COL28A1: variants seen among roughly 807,000 people sequenced by gnomAD.
The protein encoded by COL28A1 is collagen alpha-1(XXVIII) chain.
Under a neutral mutation model 150.2 loss-of-function variants are expected in COL28A1, and 161 were observed. The observed-to-expected ratio is 1.07, with a 90% confidence interval of 0.94 to 1.22. The LOEUF is 1.22. Ranked by LOEUF, COL28A1 falls within the 50% of genes most tolerant of loss-of-function variation. The pLI is 0.00. For missense variants in COL28A1, 1,617 were observed against 1,388.3 expected, an observed-to-expected ratio of 1.16 and a Z score of -2.62; for synonymous variants, 552 against 469.7, an observed-to-expected ratio of 1.18 and a Z score of -2.26.
At chr7:7,418,118 A>G (rs768925763) in intron 26 of COL28A1, among the ~76,000 whole-genome samples, 191 bp from the exon 27 acceptor site, 1 of 152,264 alleles carries the variant, frequency 6.6e-6, no homozygotes, top group Non-Finnish European at 1.5e-5. Flanking sequence ...CTATGCAAAC[A>G]AAACCTTAAA....
At chr7:7,369,796 T>C (rs1446912163) in intron 33 of COL28A1, among the ~76,000 whole-genome samples, 1 of 152,186 alleles carries the variant, frequency 6.6e-6, no homozygotes, top group Non-Finnish European at 1.5e-5. Context: ...TGAATCCTGA[T>C]GTTAGAACAC....
At chr7:7,432,781 A>C in intron 23 of COL28A1, 81 bp from the exon 24 acceptor site, 2 of 1,020,538 alleles carry the variant, frequency 2.0e-6, no homozygotes, top group African/African-American at 1.6e-5. Flanking sequence ...CACCAACTCA[A>C]TATGCCAACG....
chr7:7,388,757 T>C (rs1782356379), intron 27 of COL28A1, among the ~76,000 whole-genome samples: 1 of 152,202 alleles, frequency 6.6e-6, no homozygotes, highest in African/African-American at 2.4e-5. Context: ...CTAATGACAG[T>C]GATGATGAGC....
At chr7:7,515,276 G>T (rs367935779) in intron 8 of COL28A1, among the ~76,000 whole-genome samples, 1 of 152,078 alleles carries the variant, frequency 6.6e-6, no homozygotes, top group Non-Finnish European at 1.5e-5. Flanking sequence ...CTTGTAACTC[G>T]CAAATAATCA....
chr7:7,368,955 G>A (rs1781080624), intron 33 of COL28A1, among the ~76,000 whole-genome samples: 1 of 152,140 alleles, frequency 6.6e-6, no homozygotes, highest in African/African-American at 2.4e-5. Flanking sequence ...GAAAAAATGT[G>A]AGCTTCTCTC....
chr7:7,451,277 G>A (rs1046975989), intron 18 of COL28A1, among the ~76,000 whole-genome samples: 8 of 151,596 alleles, frequency 5.3e-5, no homozygotes, highest in African/African-American at 1.9e-4. Context: ...CCAGGCTGGA[G>A]TGCAGTGGCG....
In COL28A1 at chr7:7,474,649, T is replaced by C; in HGVS notation, c.1254A>G (p.Gly418=). The C allele has an allele frequency of 7.0e-7, 1 of 1,431,584 alleles. No homozygotes were observed. The highest frequency in any genetic ancestry group is 1.4e-5 in the African/African-American group (1 of 71,258). 88.7% of individuals were successfully genotyped at this position (1,431,584 alleles called of 1,614,324 possible). A position where few individuals can be genotyped will look rare whatever the true frequency, so the allele number is the denominator to read the frequency against. The part of the protein sequence containing the change: ...PGPKGEKGSE[G]PTGPQGLQGL... Reference sequence around the variant, plus strand: ...CTTGTAATCCCTGTGGGCCAGTTGGTCCTTCAGAACCTTTTTCACCCTGAA... The same window carrying C: ...CTTGTAATCCCTGTGGGCCAGTTGGCCCTTCAGAACCTTTTTCACCCTGAA... The change falls in exon 15 of 35, where the codon GGA becomes GGG. Residue 418 remains glycine, a synonymous_variant. Transcript: ENST00000399429.
downstream of COL28A1, among the ~76,000 whole-genome samples, chr7:7,354,675 C>T (rs559672005): frequency 6.6e-6 from 1 of 152,244 alleles, no homozygotes; most frequent in Non-Finnish European, 1.5e-5. Flanking sequence ...AACTCTAAAA[C>T]TAAGAATGCT....
chr7:7,482,823 A>G (rs1156973324), intron 13 of COL28A1, among the ~76,000 whole-genome samples: 1 of 152,214 alleles, frequency 6.6e-6, no homozygotes, highest in Admixed American at 6.5e-5. Context: ...GCAGGGTTCA[A>G]AAAGAGAGAA....
intron 25 of COL28A1, among the ~76,000 whole-genome samples, chr7:7,424,162 A>G (rs1235325135): frequency 1.3e-5 from 2 of 152,236 alleles, no homozygotes; most frequent in Non-Finnish European, 2.9e-5. Context: ...TGCAGATATT[A>G]GAATTGGTCT....
chr7:7,409,704 C>G (rs900886813), intron 27 of COL28A1, among the ~76,000 whole-genome samples: 1 of 152,142 alleles, frequency 6.6e-6, no homozygotes, highest in African/African-American at 2.4e-5. Flanking sequence ...AATTTGGAAA[C>G]TATAGTAAAC....
chr7:7,538,708 A>G (rs571544072), upstream of COL28A1, among the ~76,000 whole-genome samples: 11 of 152,130 alleles, frequency 7.2e-5, no homozygotes, highest in Admixed American at 3.3e-4. Context: ...ATTTCAGAGA[A>G]TTGTATCTGC....
intron 33 of COL28A1, among the ~76,000 whole-genome samples, 155 bp from the exon 34 acceptor site, chr7:7,360,683 C>T (rs1780606912): frequency 6.6e-6 from 1 of 152,122 alleles, no homozygotes; most frequent in African/African-American, 2.4e-5. Context: ...GAAATAATGC[C>T]CCTCCTCTGT....
intron 13 of COL28A1, among the ~76,000 whole-genome samples, chr7:7,480,418 C>T (rs539795591): frequency 2.0e-5 from 3 of 152,122 alleles, no homozygotes; most frequent in South Asian, 2.1e-4. Context: ...GTTTATTGTA[C>T]GGGCAGAGCA....
chr7:7,474,622 G>T lies in COL28A1; in HGVS notation c.1281C>A (p.Gly427=). 7.3e-7 allele frequency: 1 copy of T among 1,371,296 alleles called. No individual in the cohort carries two copies. Among genetic ancestry groups the T allele is most frequent in the Non-Finnish European group, 1.0e-6 (1 of 958,990 alleles). The allele number at this position is 1,371,296 out of a possible 1,614,324, so 84.9% of individuals were successfully genotyped here. A position where few individuals can be genotyped will look rare whatever the true frequency, so the allele number is the denominator to read the frequency against. The part of the protein sequence containing the change: ...EGPTGPQGLQ[G]LSIKGEKGDI... ...GTACCTTCTCCCCTTTGATTGACAG[G>T]CCTTGTAATCCCTGTGGGCCAGTTG... Residue 427 remains glycine (G), a synonymous_variant, in exon 15 of 35, where the codon GGC becomes GGA. Coordinates refer to ENST00000399429, the MANE Select transcript of COL28A1 (RefSeq NM_001037763.3).
chr7:7,465,147 G>A (rs1258891272), intron 15 of COL28A1, among the ~76,000 whole-genome samples: 2 of 152,086 alleles, frequency 1.3e-5, no homozygotes, highest in African/African-American at 4.8e-5. Context: ...AGCTCCCAGC[G>A]TGAGCGACGC....
At chr7:7,520,371 T>C (rs1045176728) in intron 5 of COL28A1, among the ~76,000 whole-genome samples, 2 of 152,174 alleles carry the variant, frequency 1.3e-5, no homozygotes, top group Non-Finnish European at 2.9e-5. Flanking sequence ...CCCAAAACAA[T>C]CACTTCTCAG....
At position 7,520,075 on chromosome 7, in the gene COL28A1, G is replaced by C. The variant is rs903984868; in HGVS notation, c.800C>G (p.Pro267Arg). ...TTATTCATTTACCGGGTTTCCTTTT[G>C]GTCCTCGCTCACCTTTGATACCTGG... ...GNPGIKGERGPKGNPGNAQKG... is the reference protein window; with the variant it reads ...GNPGIKGERGRKGNPGNAQKG... Residue 267 changes from proline (P) to arginine (R), a missense_variant, in exon 6 of 35, where the codon CCA (proline) becomes CGA (arginine). Pro to Arg is a moderately radical substitution (Grantham distance 103). Transcript: ENST00000399429. 30 of 1,422,624 alleles carry C rather than the reference G, an allele frequency of 2.1e-5. No homozygotes were observed. Among genetic ancestry groups the C allele is most frequent in the Non-Finnish European group, 2.9e-5 (29 of 1,006,914 alleles). The allele number at this position is 1,422,624 out of a possible 1,614,324, so 88.1% of individuals were successfully genotyped here.
chr7:7,456,781 G>C (rs997973880), intron 15 of COL28A1, among the ~76,000 whole-genome samples: 1 of 152,130 alleles, frequency 6.6e-6, no homozygotes, highest in African/African-American at 2.4e-5. Context: ...GTCCTCCATT[G>C]AGCTTAGATT....
Sources: allele counts gnomAD v4.1 joint callset (sites outside exome capture counted in the v4.1 genomes callset), GRCh38; gene constraint gnomAD v4.1.1; transcripts MANE v1.5; gene names NCBI Gene and HGNC (gene_info 2026-07-23, HGNC 2026-07-21).